ZNF423: variants seen among roughly 807,000 people sequenced by gnomAD.
The protein encoded by ZNF423 is zinc finger protein 423.
In ZNF423, 12 loss-of-function variants were observed where a neutral mutation model predicts 95.8. That is an observed-to-expected ratio of 0.13 (90% CI 0.08 to 0.20). The LOEUF (loss-of-function observed/expected upper bound fraction) is 0.20. Among genes scored for constraint, ZNF423 ranks in the 10% least tolerant of loss-of-function variants. The pLI is 1.00. For missense variants in ZNF423, 1,316 were observed against 1,737.1 expected (o/e 0.76, Z 4.31); for synonymous variants, 749 against 711.9 (o/e 1.05, Z -0.83).
At chr16:49,674,321 G>A (rs929532389) in intron 3 of ZNF423, among the ~76,000 whole-genome samples, 3 of 152,058 alleles carry the variant, frequency 2.0e-5, no homozygotes, top group Admixed American at 6.5e-5. Context: ...AGTGCCTAAG[G>A]GATTTGTGGT....
intron 2 of ZNF423, among the ~76,000 whole-genome samples, chr16:49,786,143 G>A (rs1454178575): frequency 1.3e-5 from 2 of 152,298 alleles, no homozygotes; most frequent in South Asian, 2.1e-4. Flanking sequence ...CGCTCCCCAC[G>A]CCCCCGCCTC....
At chr16:49,735,219 G>A (rs2033256990) in intron 2 of ZNF423, among the ~76,000 whole-genome samples, 1 of 152,008 alleles carries the variant, frequency 6.6e-6, no homozygotes, top group African/African-American at 2.4e-5. Context: ...AGTCTCTTTG[G>A]TCCAGGGCTT....
At chr16:49,789,360 G>C (rs1218131262) in intron 2 of ZNF423, 127 bp downstream of exon 2, 1 of 831,602 alleles carries the variant, frequency 1.2e-6, no homozygotes, top group African/African-American at 1.8e-5. Context: ...GCATGGGGTA[G>C]TCTGGATTGG....
At chr16:49,802,609 G>T (rs12596386) in intron 1 of ZNF423, among the ~76,000 whole-genome samples, 18,191 of 152,154 alleles carry the variant, frequency 0.12, 1,560 homozygotes, top group Admixed American at 0.25. Flanking sequence ...GAGAGAAGGG[G>T]CTTTGGCAGC....
intron 3 of ZNF423, among the ~76,000 whole-genome samples, chr16:49,717,199 A>C (rs1428902909): frequency 6.6e-6 from 1 of 152,116 alleles, no homozygotes; most frequent in East Asian, 1.9e-4. Context: ...AGGGGTGGAC[A>C]GGTCTCATCC....
chr16:49,815,606 C>T (rs2034823955), intron 1 of ZNF423, among the ~76,000 whole-genome samples: 1 of 152,026 alleles, frequency 6.6e-6, no homozygotes, highest in Non-Finnish European at 1.5e-5. Flanking sequence ...CTGCCCAGCT[C>T]TTTCAATCCT....
In ZNF423 at chr16:49,637,700, G is replaced by A; in HGVS notation, c.1476C>T (p.Tyr492=). ...TGATGTCGGCGAACATCTCGGGGCA[G>A]TAGTTGCAGTGGAAGGCAGAGATGT... is the stretch of plus-strand genomic sequence containing the variant. ...FGNISAFHCN[Y]CPEMFADINS... is the part of the protein sequence containing the mutation. The change falls in exon 4 of 8, where the codon TAC becomes TAT. Residue 492 remains tyrosine (Y), a synonymous_variant. Transcript: ENST00000563137. The surrounding 1 kb of genome is among the most constrained non-coding windows in gnomAD (Gnocchi z 5.6). The A allele has an allele frequency of 1.2e-6, 2 of 1,614,194 alleles. No homozygotes were observed. Among genetic ancestry groups the A allele is most frequent in the Non-Finnish European group, 1.7e-6 (2 of 1,180,048 alleles).
intron 1 of ZNF423, among the ~76,000 whole-genome samples, chr16:49,842,696 C>T (rs2035203428): frequency 6.6e-6 from 1 of 152,140 alleles, no homozygotes; most frequent in Non-Finnish European, 1.5e-5. Context: ...GAGAAAAAGG[C>T]TGGGCGCCGT....
At chr16:49,841,801 C>A (rs1367434399) in intron 1 of ZNF423, among the ~76,000 whole-genome samples, 2 of 152,206 alleles carry the variant, frequency 1.3e-5, no homozygotes, top group East Asian at 3.9e-4. Context: ...CTAGGCTAAG[C>A]CTCACCTGAG....
chr16:49,735,981 C>T (rs1488274051), intron 2 of ZNF423, among the ~76,000 whole-genome samples: 4 of 152,142 alleles, frequency 2.6e-5, no homozygotes, highest in Admixed American at 2.0e-4. Flanking sequence ...CAATGGATAG[C>T]CGACCTTCTC....
intron 3 of ZNF423, among the ~76,000 whole-genome samples, chr16:49,728,716 C>T (rs971010194): frequency 2.1e-5 from 3 of 140,120 alleles, no homozygotes; most frequent in African/African-American, 8.2e-5. Flanking sequence ...AGAAGTGCCA[C>T]CATTCTTTTA....
chr16:49,608,620 T>C (rs973225997), intron 5 of ZNF423, among the ~76,000 whole-genome samples: 4 of 152,222 alleles, frequency 2.6e-5, no homozygotes, highest in African/African-American at 9.6e-5. Flanking sequence ...TCCTGGGTTT[T>C]CTTTTTGCTT....
chr16:49,760,370 T>C (rs2033807858), intron 2 of ZNF423, among the ~76,000 whole-genome samples: 1 of 152,018 alleles, frequency 6.6e-6, no homozygotes, highest in African/African-American at 2.4e-5. Context: ...ATGGATGAAC[T>C]AATGAATAAA....
intron 7 of ZNF423, among the ~76,000 whole-genome samples, chr16:49,515,693 C>A (rs1227874165): frequency 2.0e-5 from 3 of 152,250 alleles, no homozygotes; most frequent in Non-Finnish European, 4.4e-5. Context: ...TTCAGGGGAG[C>A]TTGTCCACTG....
At chr16:49,501,914 C>T (rs1967420164) in intron 7 of ZNF423, among the ~76,000 whole-genome samples, 2 of 152,114 alleles carry the variant, frequency 1.3e-5, no homozygotes, top group Admixed American at 6.6e-5. Flanking sequence ...GGTTGAAAAA[C>T]AACCTATGAG....
intron 3 of ZNF423, among the ~76,000 whole-genome samples, chr16:49,722,957 T>C (rs1398463475): frequency 1.3e-5 from 2 of 148,762 alleles, no homozygotes; most frequent in South Asian, 4.3e-4. Context: ...GTTCTAATTT[T>C]TTTTTTTTTT....
intron 7 of ZNF423, among the ~76,000 whole-genome samples, chr16:49,493,266 C>T (rs1967043807): frequency 6.6e-6 from 1 of 152,146 alleles, no homozygotes; most frequent in Admixed American, 6.5e-5. Flanking sequence ...CCAAGCTGCT[C>T]TTTGAGTCCT....
At chr16:49,679,264 C>G (rs950370784) in intron 3 of ZNF423, among the ~76,000 whole-genome samples, 1 of 152,234 alleles carries the variant, frequency 6.6e-6, no homozygotes, top group Non-Finnish European at 1.5e-5. Context: ...ATGGCCAGGG[C>G]TGCGCCCTCC....
intron 3 of ZNF423, among the ~76,000 whole-genome samples, chr16:49,651,577 A>G (rs1354269790): frequency 1.3e-5 from 2 of 152,206 alleles, no homozygotes; most frequent in African/African-American, 2.4e-5. Context: ...GTGTGACCTT[A>G]GCCAAGTGAA....
Sources: gnomAD v4.1 joint callset for allele counts (sites outside exome capture counted in the v4.1 genomes callset) on GRCh38, gnomAD v4.1.1 for gene constraint, Gnocchi (gnomAD v3.1) non-coding constraint, MANE v1.5 for transcripts, NCBI Gene and HGNC (gene_info 2026-07-23, HGNC 2026-07-21) for gene names.